Variants in ZC3H12C observed in about 807,000 individuals in gnomAD.
ZC3H12C encodes the protein probable ribonuclease ZC3H12C.
In ZC3H12C, 20 loss-of-function variants were observed where a neutral mutation model predicts 76.3. The ratio of observed to expected loss-of-function variants is 0.26; its 90% confidence interval spans 0.18 to 0.38. ZC3H12C has a LOEUF of 0.38. Among genes scored for constraint, ZC3H12C ranks in the 10% least tolerant of loss-of-function variants. The probability of loss-of-function intolerance (pLI) is 1.00; values close to 1 mark genes in which losing one functional copy is unlikely to be tolerated. For synonymous variants in ZC3H12C, 352 were observed against 399.6 expected, an observed-to-expected ratio of 0.88 and a Z score of 1.42; for missense variants, 874 against 1,086.5, an observed-to-expected ratio of 0.80 and a Z score of 2.75.
intron 1 of ZC3H12C, among the ~76,000 whole-genome samples, chr11:110,105,880 A>G (rs1367463470): frequency 6.6e-6 from 1 of 152,224 alleles, no homozygotes. Flanking sequence ...TTTAATTGTA[A>G]TAACAGTGTG....
At chr11:110,157,634 C>T (rs1334787110) in intron 3 of ZC3H12C, among the ~76,000 whole-genome samples, 17 of 151,986 alleles carry the variant, frequency 1.1e-4, no homozygotes, top group Admixed American at 1.1e-3. Context: ...CAGGATTTTG[C>T]TATGTTGGCC....
At chr11:110,102,189 A>G (rs1191205835) in intron 1 of ZC3H12C, among the ~76,000 whole-genome samples, 1 of 150,524 alleles carries the variant, frequency 6.6e-6, no homozygotes, top group East Asian at 1.9e-4. Context: ...GCTGCCGTAG[A>G]TAGTGATTGA....
At position 110,137,217 on chromosome 11, in the gene ZC3H12C, C is replaced by G. The variant is rs1310290075; in HGVS notation, c.576C>G (p.Ile192Met). 1 of 1,613,826 alleles carries G rather than the reference C, an allele frequency of 6.2e-7. No homozygotes were observed. Among genetic ancestry groups the G allele is most frequent in the Non-Finnish European group, 8.5e-7 (1 of 1,179,846 alleles). The change falls in exon 2 of 6, where the codon ATC becomes ATG. Residue 192 changes from isoleucine (I) to methionine (M), a missense_variant. Physicochemically the swap from Ile to Met is conservative, Grantham distance 10 (BLOSUM62 1). Around this residue, in one of 3 missense-constraint regions of ZC3H12C, gnomAD observed 210 missense variants for 227.1 expected, o/e 0.92. Transcript: ENST00000278590. ...ACAAACTTGGTACTGATGCTTTAAT[C>G]AATGATATTTTGGGAGAACTTGTCA... ...VLNKLGTDAL[I>M]NDILGELVKL...
At chr11:110,134,667 A>G (rs1266844534) in intron 1 of ZC3H12C, among the ~76,000 whole-genome samples, 2 of 152,198 alleles carry the variant, frequency 1.3e-5, no homozygotes, top group Non-Finnish European at 2.9e-5. Flanking sequence ...ATAATGAAGC[A>G]GATGTATACA....
Position 110,100,969 on chromosome 11 carries a change from G to T in ZC3H12C, c.21+7537G>T, listed in dbSNP as rs1014516257. ...GCCTCTTGCAACAAACAGCCAAGTT[G>T]TGAATGCAAAGGAAAAGTTTGAGGA... is the stretch of plus-strand genomic sequence containing the variant. On this transcript the variant is annotated intron_variant, in intron 1 of 5. Coordinates refer to ENST00000278590, the MANE Select transcript of ZC3H12C (RefSeq NM_033390.2). 3.9e-5 allele frequency among the ~76,000 whole-genome samples: 6 copies of T among 152,194 alleles called. No individual in the cohort carries two copies. In the South Asian group the frequency reaches 8.3e-4, roughly 21 times the overall value.
Position 110,164,531 on chromosome 11 carries a change from C to T in ZC3H12C, c.1446C>T (p.Val482=). The stretch of plus-strand genomic sequence containing the variant: ...CCAAGGCTGATAGCACTTCTGATGT[C>T]AAACGAGGTGCTCCAAAGAGGCAAT... The part of the protein sequence containing the change: ...CSTKADSTSD[V]KRGAPKRQSD... Residue 482 remains valine (V), a synonymous_variant, in exon 6 of 6, where the codon GTC becomes GTT. Coordinates refer to ENST00000278590, the MANE Select transcript of ZC3H12C (RefSeq NM_033390.2). The surrounding 1 kb of genome is among the most constrained non-coding windows in gnomAD (Gnocchi z 5.7). The T allele has an allele frequency of 2.5e-6, 4 of 1,613,984 alleles. No individual in the cohort carries two copies. The highest frequency in any genetic ancestry group is 3.4e-6 in the Non-Finnish European group (4 of 1,179,892).
chr11:110,095,161 T>C (rs1029285870), intron 1 of ZC3H12C, among the ~76,000 whole-genome samples: 2 of 152,206 alleles, frequency 1.3e-5, no homozygotes, highest in Non-Finnish European at 2.9e-5. Context: ...ATTTTTGTTT[T>C]AATGACCAGA....
chr11:110,155,392 T>C (rs752285769), intron 3 of ZC3H12C, among the ~76,000 whole-genome samples: 2 of 152,156 alleles, frequency 1.3e-5, no homozygotes, highest in Non-Finnish European at 2.9e-5. Flanking sequence ...TGTTACAACC[T>C]GTCAAGAAAG....
chr11:110,157,430 CTTTTTTTTTTT>C (rs1238127792), intron 3 of ZC3H12C, among the ~76,000 whole-genome samples: 1 of 114,052 alleles, frequency 8.8e-6, no homozygotes, highest in Non-Finnish European at 1.9e-5. Context: ...AAGGTCTGGT[CTTTTTTTTTTT>C]TTTTTTTTTT....
chr11:110,157,133 C>T (rs1325017027), intron 3 of ZC3H12C, among the ~76,000 whole-genome samples: 3 of 150,148 alleles, frequency 2.0e-5, no homozygotes, highest in East Asian at 2.0e-4. Context: ...GAGCTGAGAT[C>T]GCACCAGTGC....
At chr11:110,158,415 C>G (rs1429267217) in intron 3 of ZC3H12C, among the ~76,000 whole-genome samples, 1 of 151,876 alleles carries the variant, frequency 6.6e-6, no homozygotes, top group Non-Finnish European at 1.5e-5. Context: ...AAGGCTGAGG[C>G]ACAAGAATCA....
chr11:110,153,131 G>T (rs1029010083), intron 3 of ZC3H12C, 73 bp downstream of exon 3: 5 of 1,528,314 alleles, frequency 3.3e-6, no homozygotes, highest in Admixed American at 4.4e-5. Flanking sequence ...ACACTGTCAG[G>T]TATCCTAAAT....
chr11:110,132,184 G>A (rs2134172383), intron 1 of ZC3H12C, among the ~76,000 whole-genome samples: 2 of 152,104 alleles, frequency 1.3e-5, no homozygotes, highest in South Asian at 4.2e-4. Context: ...ACAAGTTTAT[G>A]GTCTAATATT....
intron 4 of ZC3H12C, among the ~76,000 whole-genome samples, chr11:110,159,732 A>C (rs1048605684): frequency 3.3e-5 from 5 of 152,192 alleles, no homozygotes; most frequent in African/African-American, 1.2e-4. Context: ...CCTAAGGTAG[A>C]GGAAGTCTTC....
At chr11:110,114,558 T>G (rs1187301084) in intron 1 of ZC3H12C, among the ~76,000 whole-genome samples, 1 of 152,234 alleles carries the variant, frequency 6.6e-6, no homozygotes, top group East Asian at 1.9e-4. Context: ...GTGAGTAAAT[T>G]AATTCATTGG....
chr11:110,100,343 A>C (rs1278131465), intron 1 of ZC3H12C, among the ~76,000 whole-genome samples: 6 of 152,026 alleles, frequency 3.9e-5, no homozygotes, highest in Non-Finnish European at 5.9e-5. Context: ...TATGCCCAGC[A>C]AAAAGCAATG....
chr11:110,157,066 C>A (rs3016587), intron 3 of ZC3H12C, among the ~76,000 whole-genome samples: 36,649 of 151,626 alleles, frequency 0.24, 4,599 homozygotes, highest in South Asian at 0.35. Context: ...GTAGTCCCAG[C>A]TACTCAGGAG....
chr11:110,106,663 TATGA>T lies in ZC3H12C; in HGVS notation c.21+13235_21+13238del, dbSNP rs562896388. 2.5e-4 allele frequency among the ~76,000 whole-genome samples: 38 copies of T among 152,374 alleles called. 1 individual carries two copies. The South Asian group carries it at 7.7e-3, about 31-fold the overall frequency. On this transcript the variant is annotated intron_variant, in intron 1 of 5. Transcript: ENST00000278590. Reference sequence around the variant, plus strand: ...TTGAGAAATGTTAGCTATCATTTATTATGAATGTGATTCTCCTCATCATATGCTA... The same window carrying T: ...TTGAGAAATGTTAGCTATCATTTATTATGTGATTCTCCTCATCATATGCTA...
intron 1 of ZC3H12C, chr11:110,131,063 T>C: frequency 6.5e-7 from 1 of 1,535,944 alleles, no homozygotes; most frequent in South Asian, 1.2e-5. Context: ...AGTTTACTGC[T>C]GAAGCTGCTA....
Sources: allele counts gnomAD v4.1 joint callset (sites outside exome capture counted in the v4.1 genomes callset), GRCh38; gene constraint gnomAD v4.1.1; regional missense constraint gnomAD v4.1.1; non-coding constraint Gnocchi (gnomAD v3.1); transcripts MANE v1.5; gene names NCBI Gene and HGNC (gene_info 2026-07-23, HGNC 2026-07-21).